Variants in TTN observed in about 807,000 individuals in gnomAD.
The protein encoded by TTN is connectin.
Under a neutral mutation model 3,223.0 loss-of-function variants are expected in TTN, and 1,525 were observed. That is an observed-to-expected ratio of 0.47 (90% confidence interval 0.45 to 0.49). The LOEUF (loss-of-function observed/expected upper bound fraction) is 0.49. TTN is among the 20% of genes least tolerant of loss of function. The pLI is 0.00. For missense variants in TTN, 40,786 were observed against 43,424.0 expected (o/e 0.94, Z 5.40); for synonymous variants, 14,094 against 15,161.0 (o/e 0.93, Z 5.17).
chr2:178,554,646 A>C lies in TTN; in HGVS notation c.88701T>G (p.Thr29567=), dbSNP rs767566130. The part of the protein sequence containing the change: ...PPADDGGAKI[T]HYIVEKRETS... Reference sequence around the variant, plus strand: ...TCTCACGCTTTTCCACAATGTAGTGAGTGATTTTTGCACCACCATCATCAG... The same window carrying C: ...TCTCACGCTTTTCCACAATGTAGTGCGTGATTTTTGCACCACCATCATCAG... Residue 29567 remains threonine (T), a synonymous_variant, in exon 332 of 363, where the codon ACT becomes ACG. Coordinates refer to ENST00000589042, the MANE Select transcript of TTN (RefSeq NM_001267550.2). 1.2e-6 allele frequency: 2 copies of C among 1,613,900 alleles called. No individual in the cohort carries two copies. The highest frequency in any genetic ancestry group is 1.1e-5 in the South Asian group (1 of 91,072).
chr2:178,613,647 AT>A (rs902958789), intron 263 of TTN, 103 bp downstream of exon 263: 2 of 1,231,372 alleles, frequency 1.6e-6, no homozygotes, highest in Admixed American at 2.7e-5. Flanking sequence ...GTAGTTTAAA[AT>A]TTTTTTAGTA....
intron 121 of TTN, 70 bp downstream of exon 121, chr2:178,691,946 A>T: frequency 7.7e-7 from 1 of 1,306,908 alleles, no homozygotes; most frequent in African/African-American, 1.5e-5. Context: ...CATAGTACAT[A>T]TGAAGATCGT....
intron 46 of TTN, 65 bp from the exon 47 acceptor site, chr2:178,753,245 A>T: frequency 8.0e-7 from 1 of 1,256,822 alleles, no homozygotes; most frequent in Non-Finnish European, 1.1e-6. Context: ...GCATCAATTC[A>T]TGACTTGTAT....
At position 178,636,219 on chromosome 2, in the gene TTN, T is replaced by G; in HGVS notation, c.41352A>C (p.Lys13784Asn). 1.3e-6 allele frequency: 2 copies of G among 1,587,282 alleles called. No homozygotes were observed. The highest frequency in any genetic ancestry group is 2.3e-5 in the South Asian group (2 of 87,120). Reference protein sequence around the residue: ...VVEELPVRFVKTLEEEVTVVK... With the variant: ...VVEELPVRFVNTLEEEVTVVK... ...CCACTGTGACTTCCTCTTCCAGTGT[T>G]TTTACAAAACGCACAGGAAGTTCTA... The change falls in exon 226 of 363, where the codon AAA (lysine) becomes AAC (asparagine). Residue 13784 changes from lysine to asparagine, a missense_variant. Transcript: ENST00000589042. This position sits in a 1 kb window ranked among gnomAD's most constrained non-coding sequence, Gnocchi z 4.3.
At chr2:178,558,828 C>A in intron 326 of TTN, 191 bp from the exon 327 acceptor site, 1 of 574,076 alleles carries the variant, frequency 1.7e-6, no homozygotes, top group Non-Finnish European at 2.9e-6. Flanking sequence ...TCATTACATG[C>A]TATAGCATTC....
rs56308529 is a variant in TTN, at chr2:178,531,435, C to A, written c.105180G>T (p.Glu35060Asp). 35 of 1,613,938 alleles carry A rather than the reference C, an allele frequency of 2.2e-5. No homozygotes were observed. The highest frequency in any genetic ancestry group is 3.0e-5 in the Non-Finnish European group (35 of 1,179,882). ...TCTTAAATGATGAAACAGCATACGC[C>A]TCTGTTCTTGTCAGCTCAGGGAAAA... The part of the protein sequence containing the change: ...RSVFPELTRT[E>D]AYAVSSFKKT... The change falls in exon 358 of 363, where the codon GAG (glutamate) becomes GAT (aspartate). Residue 35060 changes from glutamate (E) to aspartate (D), a missense_variant. By Grantham distance (45) the Glu-to-Asp change is conservative (BLOSUM62 2). Transcript: ENST00000589042.
In TTN at chr2:178,548,147, C is replaced by T; in HGVS notation, c.93479G>A (p.Trp31160Ter). The change falls in exon 339 of 363, where the codon TGG (tryptophan) becomes TAG (stop). Residue 31160 changes from tryptophan to a stop codon, truncating the protein, a stop_gained. Coordinates refer to ENST00000589042, the MANE Select transcript of TTN (RefSeq NM_001267550.2). LOFTEE classifies it high-confidence loss of function. The surrounding 1 kb of genome is among the most constrained non-coding windows in gnomAD (Gnocchi z 4.3). ...CTGTTTGGTGTGACCAGCTTCAACC[C>T]AGAAGTCAGATCCCTTTTGTCTCAT... ...LEMRQKGSDF[W>*]VEAGHTKQLT... is the part of the protein sequence containing the mutation. The T allele has an allele frequency of 3.1e-6, 5 of 1,613,858 alleles. No homozygotes were observed. Among genetic ancestry groups the T allele is most frequent in the Non-Finnish European group, 3.4e-6 (4 of 1,179,824 alleles).
chr2:178,778,804 C>T, intron 24 of TTN, 70 bp downstream of exon 24: 1 of 1,603,648 alleles, frequency 6.2e-7, no homozygotes, highest in Non-Finnish European at 8.5e-7. Flanking sequence ...TACACAATAG[C>T]AATTTGCTAC....
chr2:178,589,466 G>A lies in TTN; in HGVS notation c.62259C>T (p.Asp20753=). Residue 20753 remains aspartate (D), a synonymous_variant, in exon 304 of 363, where the codon GAC becomes GAT. Transcript: ENST00000589042. ...VQTKNEGGES[D]WVKTEEVVVK... ...CAACAACTTCCTCTGTCTTCACCCA[G>A]TCACTTTCCCCACCTTCATTCTTTG... 6.2e-7 allele frequency: 1 copy of A among 1,613,308 alleles called. No individual in the cohort carries two copies.
rs1352552140 is a variant in TTN at position 178,531,736 on chromosome 2, C to G, written c.104879G>C (p.Arg34960Pro). The G allele has an allele frequency of 6.2e-7, 1 of 1,613,786 alleles. No homozygotes were observed. Among genetic ancestry groups the G allele is most frequent in the Non-Finnish European group, 8.5e-7 (1 of 1,179,862 alleles). ...CTTAGACTGAACATTTAAAATAAAA[C>G]GTGTATTTTGGCCACATGGTACCCT... The part of the protein sequence containing the change: ...SHRVPCGQNT[R>P]FILNVQSKPT... The change falls in exon 358 of 363, where the codon CGT (arginine) becomes CCT (proline). Residue 34960 changes from arginine (R) to proline (P), a missense_variant. Arg to Pro is a moderately radical substitution (Grantham distance 103). Coordinates refer to ENST00000589042, the MANE Select transcript of TTN (RefSeq NM_001267550.2).
chr2:178,583,420 T>C, intron 312 of TTN, 187 bp downstream of exon 312: 1 of 815,338 alleles, frequency 1.2e-6, no homozygotes, highest in Non-Finnish European at 1.8e-6. Flanking sequence ...GTTGCCACAG[T>C]TGTGTATCTT....
At chr2:178,681,891 A>G (rs2069496307) in intron 135 of TTN, among the ~76,000 whole-genome samples, 153 bp from the exon 136 acceptor site, 1 of 152,024 alleles carries the variant, frequency 6.6e-6, no homozygotes, top group Non-Finnish European at 1.5e-5. Flanking sequence ...CAAGCAGAAC[A>G]AGCTCATATT....
intron 1 of TTN, 118 bp from the exon 2 acceptor site, chr2:178,804,773 G>A: frequency 1.1e-6 from 1 of 883,984 alleles, no homozygotes; most frequent in Non-Finnish European, 1.8e-6. Context: ...TCATCTGTGG[G>A]CCTAGAGTGA....
At chr2:178,746,640 T>C in intron 47 of TTN, 1 of 1,613,294 alleles carries the variant, frequency 6.2e-7, no homozygotes, top group African/African-American at 1.3e-5. Flanking sequence ...GCATGACACA[T>C]GTACTCTCCC....
chr2:178,646,777 G>T (rs2062071509), intron 215 of TTN, among the ~76,000 whole-genome samples: 1 of 151,908 alleles, frequency 6.6e-6, no homozygotes, highest in African/African-American at 2.4e-5. Context: ...CAAATGAGAT[G>T]ACTTTTAAAA....
intron 111 of TTN, among the ~76,000 whole-genome samples, chr2:178,699,434 C>T (rs1223110976): frequency 1.8e-5 from 1 of 54,096 alleles, no homozygotes; most frequent in Non-Finnish European, 3.9e-5. Context: ...TTTTTTGAGA[C>T]GGAGTCCCGC....
Position 178,710,800 on chromosome 2 carries a change from C to G in TTN, c.28297G>C (p.Asp9433His), listed in dbSNP as rs781329594. 1 of 1,613,918 alleles carries G rather than the reference C, an allele frequency of 6.2e-7. No homozygotes were observed. Among genetic ancestry groups the G allele is most frequent in the Admixed American group, 1.7e-5 (1 of 60,002 alleles). ...CCGCCACTTCGTATTTCTCTGCTGT[C>G]TTTGGCCCAGCTGACCTTTATCGGT... is the stretch of plus-strand genomic sequence containing the variant. ...TQPIKVSWAK[D>H]SREIRSGGKY... The change falls in exon 98 of 363, where the codon GAC (aspartate) becomes CAC (histidine). Residue 9433 changes from aspartate to histidine, a missense_variant. Coordinates refer to ENST00000589042, the MANE Select transcript of TTN (RefSeq NM_001267550.2).
rs1430202679 is a variant in TTN at position 178,630,297 on chromosome 2, C to T, written c.44225G>A (p.Gly14742Asp). 1 of 1,613,012 alleles carries T rather than the reference C, an allele frequency of 6.2e-7. No individual in the cohort carries two copies. Among genetic ancestry groups the T allele is most frequent in the Non-Finnish European group, 8.5e-7 (1 of 1,179,462 alleles). ...VLHNCRLDQT[G>D]GVDFQAANVK... The stretch of plus-strand genomic sequence containing the variant: ...ATTGGCAGCTTGGAAATCCACCCCA[C>T]CCGTCTGGTCCAGGCGACAGTTGTG... Residue 14742 changes from glycine (G) to aspartate (D), a missense_variant, in exon 239 of 363, where the codon GGT becomes GAT. By Grantham distance (94) the Gly-to-Asp change is moderately conservative. Coordinates refer to ENST00000589042, the MANE Select transcript of TTN (RefSeq NM_001267550.2).
In TTN at chr2:178,571,445, T is replaced by C; in HGVS notation, c.74687A>G (p.Asn24896Ser). ...ATATTGGGCTACAGTAGGCTCTGAA[T>C]TGAGGTAGGTACTCTTCCCATATCT... ...ENRYGKSTYLNSEPTVAQYPF... is the reference protein window; with the variant it reads ...ENRYGKSTYLSSEPTVAQYPF... The change falls in exon 326 of 363, where the codon AAT (asparagine) becomes AGT (serine). Residue 24896 changes from asparagine (N) to serine (S), a missense_variant. By Grantham distance (46) the Asn-to-Ser change is conservative. Transcript: ENST00000589042. The C allele has an allele frequency of 3.1e-6, 5 of 1,613,454 alleles. No individual in the cohort carries two copies. Among genetic ancestry groups the C allele is most frequent in the South Asian group, 1.1e-5 (1 of 91,076 alleles).
Sources: allele counts gnomAD v4.1 joint callset (sites outside exome capture counted in the v4.1 genomes callset), GRCh38; gene constraint gnomAD v4.1.1; non-coding constraint Gnocchi (gnomAD v3.1); transcripts MANE v1.5; gene names NCBI Gene and HGNC (gene_info 2026-07-23, HGNC 2026-07-21).